The following RANBP10 variants were observed in gnomAD, a reference collection of about 807,000 sequenced individuals.
RANBP10 encodes RAN binding protein 10, also known as ran-binding protein 10.
A neutral mutation model predicts 72.8 loss-of-function variants in RANBP10; 24 were observed. The observed-to-expected ratio is 0.33, with a 90% confidence interval of 0.24 to 0.46. The LOEUF is 0.46. Among genes scored for constraint, RANBP10 ranks in the 20% least tolerant of loss-of-function variants. The probability of loss-of-function intolerance (pLI) is 1.00; values close to 1 mark genes in which losing one functional copy is unlikely to be tolerated. For missense variants in RANBP10, 679 were observed against 817.5 expected, an observed-to-expected ratio of 0.83 and a Z score of 2.07; for synonymous variants, 310 against 322.3, an observed-to-expected ratio of 0.96 and a Z score of 0.41.
intron 2 of RANBP10, among the ~76,000 whole-genome samples, chr16:67,784,957 C>T (rs1008388216): frequency 1.3e-5 from 2 of 151,756 alleles, no homozygotes; most frequent in African/African-American, 4.8e-5. Context: ...CGCCTGTAAT[C>T]CCAGCACTTT....
intron 3 of RANBP10, among the ~76,000 whole-genome samples, chr16:67,748,814 C>T (rs566534208): frequency 2.0e-5 from 3 of 152,080 alleles, no homozygotes; most frequent in Non-Finnish European, 4.4e-5. Context: ...CATGACAAGC[C>T]CAGGACCTGC....
chr16:67,734,919 C>T lies in RANBP10; in HGVS notation c.715G>A (p.Gly239Ser), dbSNP rs139933784. The change falls in exon 6 of 14, where the codon GGC (glycine) becomes AGC (serine). Residue 239 changes from glycine to serine, a missense_variant. By Grantham distance (56) the Gly-to-Ser change is moderately conservative (BLOSUM62 0). Coordinates refer to ENST00000317506, the MANE Select transcript of RANBP10 (RefSeq NM_020850.3). ...YMREWRAKVQ[G>S]TVHCFPISAR... is the part of the protein sequence containing the mutation. ...CTGATGGGGAAGCAGTGGACCGTGC[C>T]CTGGACCTTGGCACGCCACTCCCGC... 340 of 1,613,786 alleles carry T rather than the reference C, an allele frequency of 2.1e-4. No individual in the cohort carries two copies. The highest frequency in any genetic ancestry group is 1.6e-3 in the Middle Eastern group (10 of 6,062).
At position 67,727,978 on chromosome 16, in the gene RANBP10, G is replaced by A. The variant is rs533437914; in HGVS notation, c.1475-82C>T. 8.6e-4 allele frequency: 1,281 copies of A among 1,494,956 alleles called. 7 individuals carry two copies. In the African/African-American group the frequency reaches 0.016, roughly 18 times the overall value. The allele number at this position is 1,494,956 out of a possible 1,614,324, so 92.6% of individuals were successfully genotyped here. A position where few individuals can be genotyped will look rare whatever the true frequency, so the allele number is the denominator to read the frequency against. On this transcript the variant is annotated intron_variant, in intron 11 of 13. Coordinates refer to ENST00000317506, the MANE Select transcript of RANBP10 (RefSeq NM_020850.3). ...ACTAGGGTGGGGCAGGAAGGACCCCGGGTGGGCTGCAGCTTCTGCCAGAGG... is the reference window on the plus strand; with the variant it reads ...ACTAGGGTGGGGCAGGAAGGACCCCAGGTGGGCTGCAGCTTCTGCCAGAGG...
intron 4 of RANBP10, among the ~76,000 whole-genome samples, chr16:67,741,501 G>A (rs1252916384): frequency 6.6e-6 from 1 of 152,216 alleles, no homozygotes; most frequent in African/African-American, 2.4e-5. Flanking sequence ...GGAGTACCCA[G>A]AGCCAAACAG....
Position 67,729,554 on chromosome 16 carries a change from C to A in RANBP10, c.1148-70G>T. The A allele has an allele frequency of 6.4e-7, 1 of 1,565,422 alleles. No homozygotes were observed. Among genetic ancestry groups the A allele is most frequent in the Non-Finnish European group, 8.7e-7 (1 of 1,155,494 alleles). Reference sequence around the variant, plus strand: ...TGAAATGAAGCCCCAAGAACAACCACAGTGGTCCCATTTCCCTTCTCCCAA... The same window carrying A: ...TGAAATGAAGCCCCAAGAACAACCAAAGTGGTCCCATTTCCCTTCTCCCAA... On this transcript the variant is annotated intron_variant, in intron 9 of 13. Transcript: ENST00000317506. This position sits in a 1 kb window ranked among gnomAD's most constrained non-coding sequence, Gnocchi z 7.1.
At chr16:67,776,367 C>T (rs1234940771) in intron 2 of RANBP10, among the ~76,000 whole-genome samples, 2 of 143,726 alleles carry the variant, frequency 1.4e-5, no homozygotes, top group African/African-American at 5.2e-5. Flanking sequence ...GAGGGTGAGG[C>T]AGGAGAATCG....
intron 3 of RANBP10, among the ~76,000 whole-genome samples, chr16:67,767,874 G>A (rs2054534105): frequency 6.6e-6 from 1 of 152,022 alleles, no homozygotes; most frequent in Admixed American, 6.6e-5. Flanking sequence ...GGGATTACAG[G>A]CATGAGCCAC....
chr16:67,791,484 T>C (rs111375502), intron 2 of RANBP10, among the ~76,000 whole-genome samples: 3 of 152,096 alleles, frequency 2.0e-5, no homozygotes, highest in Admixed American at 6.6e-5. Context: ...TAGGAAGTGA[T>C]GAAAAGGAGA....
At chr16:67,758,965 G>A (rs183474466) in intron 3 of RANBP10, among the ~76,000 whole-genome samples, 21 of 152,386 alleles carry the variant, frequency 1.4e-4, no homozygotes, top group African/African-American at 4.3e-4. Context: ...ACACGCACTT[G>A]CTGGCCATAG....
intron 3 of RANBP10, among the ~76,000 whole-genome samples, chr16:67,749,110 G>A (rs1248468429): frequency 6.6e-6 from 1 of 152,088 alleles, no homozygotes; most frequent in Non-Finnish European, 1.5e-5. Flanking sequence ...CAAAGGTGTG[G>A]GAATGAGAAA....
intron 3 of RANBP10, among the ~76,000 whole-genome samples, chr16:67,766,064 G>C (rs2054497177): frequency 6.6e-6 from 1 of 151,928 alleles, no homozygotes; most frequent in South Asian, 2.1e-4. Flanking sequence ...ACCCAGCCTA[G>C]GCCACCACCA....
At position 67,802,116 on chromosome 16, in the gene RANBP10, CA is replaced by C. The variant is rs796472007; in HGVS notation, c.347+3311del. On this transcript the variant is annotated intron_variant, in intron 2 of 13. Transcript: ENST00000317506. ...CCTCAAAAAAAAAAAAAAAAATCTA[CA>C]AAAAAAGGGAAATGAGCCAGTTGAT... 1.1e-3 allele frequency among the ~76,000 whole-genome samples: 167 copies of C among 148,996 alleles called. 1 individual carries two copies. The highest frequency in any genetic ancestry group is 4.1e-3 in the African/African-American group (167 of 40,430).
intron 3 of RANBP10, among the ~76,000 whole-genome samples, chr16:67,755,056 C>T (rs929278880): frequency 6.6e-6 from 1 of 152,114 alleles, no homozygotes. Flanking sequence ...CCCAGGGGAG[C>T]ACCAAGCAGG....
intron 2 of RANBP10, among the ~76,000 whole-genome samples, chr16:67,795,896 G>T (rs2055123722): frequency 6.7e-6 from 1 of 150,010 alleles, no homozygotes; most frequent in Non-Finnish European, 1.5e-5. Context: ...TTTTCTATAC[G>T]TAAAATAAAA....
At chr16:67,772,862 A>G (rs1051016997) in intron 2 of RANBP10, among the ~76,000 whole-genome samples, 1 of 152,112 alleles carries the variant, frequency 6.6e-6, no homozygotes, top group African/African-American at 2.4e-5. Flanking sequence ...CCCCTTAGAC[A>G]ATCCACTCAG....
intron 3 of RANBP10, among the ~76,000 whole-genome samples, chr16:67,747,903 C>A (rs1419477293): frequency 6.6e-6 from 1 of 150,388 alleles, no homozygotes; most frequent in Non-Finnish European, 1.5e-5. Flanking sequence ...TCACGGCAAG[C>A]TCCGCCTCCC....
chr16:67,738,486 T>C (rs2082324470), intron 4 of RANBP10: 1 of 159,114 alleles, frequency 6.3e-6, no homozygotes, highest in South Asian at 1.8e-4. Flanking sequence ...GCAGTCTCAC[T>C]CTGTCGCCCA....
At chr16:67,737,990 GA>G in intron 5 of RANBP10, 22 bp downstream of exon 5, 1 of 1,580,072 alleles carries the variant, frequency 6.3e-7, no homozygotes, top group Non-Finnish European at 8.6e-7. Flanking sequence ...CCCAGGAGGG[GA>G]AGACTCAATA....
At chr16:67,755,926 T>C (rs887424605) in intron 3 of RANBP10, among the ~76,000 whole-genome samples, 1 of 152,164 alleles carries the variant, frequency 6.6e-6, no homozygotes, top group African/African-American at 2.4e-5. Context: ...CAAAAGTCTA[T>C]GCCCGGCCAT....
Sources: allele counts gnomAD v4.1 joint callset (sites outside exome capture counted in the v4.1 genomes callset), GRCh38; gene constraint gnomAD v4.1.1; non-coding constraint Gnocchi (gnomAD v3.1); transcripts MANE v1.5; gene names NCBI Gene and HGNC (gene_info 2026-07-23, HGNC 2026-07-21).